Variants in USP34 observed in about 807,000 individuals in gnomAD.
USP34 encodes ubiquitin carboxyl-terminal hydrolase 34.
In USP34, 70 loss-of-function variants were observed where a neutral mutation model predicts 460.3. That is an observed-to-expected ratio of 0.15 (90% CI 0.13 to 0.19). USP34 has a LOEUF of 0.19. Among genes scored for constraint, USP34 ranks in the 10% least tolerant of loss-of-function variants. The pLI is 1.00. For missense variants in USP34, 3,985 were observed against 4,236.2 expected (o/e 0.94, Z 1.65); for synonymous variants, 1,647 against 1,405.3 (o/e 1.17, Z -3.85).
At chr2:61,398,543 CG>C (rs1206501984) in intron 3 of USP34, among the ~76,000 whole-genome samples, 9 of 50,600 alleles carry the variant, frequency 1.8e-4, no homozygotes, top group African/African-American at 5.8e-4. Context: ...GAGGCGGAAG[CG>C]GGGGAAGGAG....
intron 1 of USP34, among the ~76,000 whole-genome samples, chr2:61,459,309 T>C (rs1009763246): frequency 6.6e-6 from 1 of 152,206 alleles, no homozygotes; most frequent in African/African-American, 2.4e-5. Context: ...AATCTTTCTA[T>C]TTCTCATGAC....
At chr2:61,190,784 T>C (rs939641973) in intron 76 of USP34, 126 bp from the exon 77 acceptor site, 30 of 1,220,338 alleles carry the variant, frequency 2.5e-5, no homozygotes, top group Admixed American at 5.5e-5. Context: ...AAAATCCTAC[T>C]TGAAAAGCCA....
intron 34 of USP34, among the ~76,000 whole-genome samples, chr2:61,287,581 T>C (rs192951141): frequency 1.2e-4 from 18 of 152,300 alleles, no homozygotes; most frequent in African/African-American, 3.8e-4. Context: ...TCCTGATCAA[T>C]GTGAAGACCA....
intron 3 of USP34, among the ~76,000 whole-genome samples, chr2:61,398,056 G>C (rs567492407): frequency 2.0e-4 from 30 of 152,074 alleles, no homozygotes; most frequent in Non-Finnish European, 3.8e-4. Context: ...GGGCAACAGA[G>C]CGAGACTCCG....
chr2:61,389,026 T>C (rs1042309623), intron 5 of USP34, among the ~76,000 whole-genome samples: 1 of 152,012 alleles, frequency 6.6e-6, no homozygotes, highest in African/African-American at 2.4e-5. Context: ...CAACCAGGCA[T>C]GAAAGAATGC....
chr2:61,308,211 T>C (rs1325194161), intron 27 of USP34, among the ~76,000 whole-genome samples: 2 of 151,952 alleles, frequency 1.3e-5, no homozygotes, highest in Admixed American at 6.6e-5. Context: ...TTACATTGAA[T>C]GCAAATAATC....
chr2:61,286,428 G>A (rs1572901351), intron 34 of USP34, among the ~76,000 whole-genome samples: 1 of 152,176 alleles, frequency 6.6e-6, no homozygotes, highest in African/African-American at 2.4e-5. Context: ...GGCCGAGGCA[G>A]GAGGATCACT....
chr2:61,278,975 A>C (rs1558506475), intron 39 of USP34, among the ~76,000 whole-genome samples: 1 of 152,182 alleles, frequency 6.6e-6, no homozygotes, highest in Non-Finnish European at 1.5e-5. Flanking sequence ...ACAACATTAA[A>C]ACAGACTTCA....
intron 29 of USP34, among the ~76,000 whole-genome samples, chr2:61,297,642 T>C (rs1690068872): frequency 6.6e-6 from 1 of 152,236 alleles, no homozygotes; most frequent in Non-Finnish European, 1.5e-5. Context: ...ACAGTGATTC[T>C]TTGGTATAAC....
intron 76 of USP34, 55 bp from the exon 77 acceptor site, chr2:61,190,713 C>A (rs1227335752): frequency 6.4e-7 from 1 of 1,558,102 alleles, no homozygotes; most frequent in Non-Finnish European, 8.6e-7. Context: ...AAAAAACTTA[C>A]ACGGAAAAAA....
chr2:61,193,504 AG>A (rs1485080524), intron 75 of USP34: 1 of 152,230 alleles, frequency 6.6e-6, no homozygotes, highest in Non-Finnish European at 1.5e-5. Context: ...GCTTGTTCCC[AG>A]GATCTTCTGA....
chr2:61,368,094 C>A (rs1692492780), intron 10 of USP34, among the ~76,000 whole-genome samples: 1 of 152,104 alleles, frequency 6.6e-6, no homozygotes, highest in African/African-American at 2.4e-5. Context: ...GATTACTGAA[C>A]TCTGCTGTTG....
In USP34 at chr2:61,189,085, T is replaced by C. The variant is rs746539744; in HGVS notation, c.9874-16A>G. On this transcript the variant is annotated splice_polypyrimidine_tract_variant and intron_variant, in intron 78 of 79. Coordinates refer to ENST00000398571, the MANE Select transcript of USP34 (RefSeq NM_014709.4). Reference sequence around the variant, plus strand: ...CCCTCAGGTCCTACAAAAACCCAGATAGGAACATTTCAAATTCTAAAGCCA... The same window carrying C: ...CCCTCAGGTCCTACAAAAACCCAGACAGGAACATTTCAAATTCTAAAGCCA... 1 of 1,601,300 alleles carries C rather than the reference T, an allele frequency of 6.2e-7. No individual in the cohort carries two copies. Among genetic ancestry groups the C allele is most frequent in the Non-Finnish European group, 8.5e-7 (1 of 1,175,204 alleles).
At chr2:61,240,910 A>G (rs1408751892) in intron 53 of USP34, among the ~76,000 whole-genome samples, 6 of 152,166 alleles carry the variant, frequency 3.9e-5, no homozygotes, top group Admixed American at 3.3e-4. Context: ...ATTACAATGC[A>G]TGCTTGAGGG....
intron 1 of USP34, among the ~76,000 whole-genome samples, chr2:61,462,091 T>C (rs145553768): frequency 1.3e-5 from 2 of 151,368 alleles, no homozygotes; most frequent in Admixed American, 1.3e-4. Context: ...TAACAAAAAT[T>C]AGTCAGGCAT....
chr2:61,389,896 A>T (rs1439641439), intron 5 of USP34, among the ~76,000 whole-genome samples: 2 of 152,202 alleles, frequency 1.3e-5, no homozygotes, highest in Non-Finnish European at 2.9e-5. Flanking sequence ...CTGTAACTGC[A>T]GAAAAACAGC....
At chr2:61,468,008 G>A (rs1573076631) in intron 1 of USP34, among the ~76,000 whole-genome samples, 1 of 151,952 alleles carries the variant, frequency 6.6e-6, no homozygotes, top group Non-Finnish European at 1.5e-5. Context: ...GACTTTATAG[G>A]TAATTACTGC....
intron 1 of USP34, among the ~76,000 whole-genome samples, chr2:61,444,392 C>G (rs1428831811): frequency 6.6e-6 from 1 of 151,780 alleles, no homozygotes; most frequent in Non-Finnish European, 1.5e-5. Flanking sequence ...AGAAAATATC[C>G]AGACTGCAGT....
At chr2:61,470,584 A>C in intron 1 of USP34, 66 bp downstream of exon 1, 10 of 1,108,584 alleles carry the variant, frequency 9.0e-6, no homozygotes, top group East Asian at 3.0e-5. Flanking sequence ...CAGCCCGGGG[A>C]GGCCAGAGAG....
Sources: allele counts gnomAD v4.1 joint callset (sites outside exome capture counted in the v4.1 genomes callset), GRCh38; gene constraint gnomAD v4.1.1; transcripts MANE v1.5; gene names NCBI Gene and HGNC (gene_info 2026-07-23, HGNC 2026-07-21).